The following GNAS-AS1 variants were observed in gnomAD, a reference collection of about 807,000 sequenced individuals.
GNAS-AS1 encodes GNAS antisense RNA 1, also known as GNAS antisense RNA 1 (non-protein coding).
At chr20:58,825,976 C>A (rs2085517199) in intron 4 of GNAS-AS1, 1 of 398,158 alleles carries the variant, frequency 2.5e-6, no homozygotes. Flanking sequence ...CAAGAAAGGT[C>A]TCTGAGAGTG....
At chr20:58,823,709 G>A (rs750195315) in intron 4 of GNAS-AS1, among the ~76,000 whole-genome samples, 3 of 152,250 alleles carry the variant, frequency 2.0e-5, no homozygotes, top group Non-Finnish European at 2.9e-5. Flanking sequence ...GCTGCAGTCC[G>A]CTGGGGTACT....
intron 1 of GNAS-AS1, among the ~76,000 whole-genome samples, chr20:58,849,469 T>C (rs562164363): frequency 2.6e-5 from 4 of 152,242 alleles, no homozygotes; most frequent in African/African-American, 4.8e-5. Flanking sequence ...GTAAGTACGA[T>C]TGCCAATTTG....
At chr20:58,823,482 G>A (rs1277697055) in intron 4 of GNAS-AS1, among the ~76,000 whole-genome samples, 3 of 152,212 alleles carry the variant, frequency 2.0e-5, no homozygotes, top group Admixed American at 6.5e-5. Flanking sequence ...TGTGACGGGC[G>A]CACGTGCCTG....
rs767823238 is a variant in GNAS-AS1 at position 58,841,749 on chromosome 20, G to A, written n.819+188C>T. The A allele has an allele frequency of 3.3e-6, 4 of 1,228,344 alleles. No individual in the cohort carries two copies. Among genetic ancestry groups the A allele is most frequent in the Non-Finnish European group, 4.1e-6 (4 of 986,332 alleles). 76.1% of individuals were successfully genotyped at this position (1,228,344 alleles called of 1,614,324 possible). On this transcript the variant is annotated intron_variant and non_coding_transcript_variant, in intron 4 of 4. Coordinates refer to ENST00000424094, the Ensembl canonical transcript of GNAS-AS1. The surrounding 1 kb of genome is among the most constrained non-coding windows in gnomAD (Gnocchi z 5.0). ...GGGTTGAACGCACAGGCATGGTCAC[G>A]TCGGGGTATTGCCAAGCTTTTGGCG...
At chr20:58,848,568 A>G (rs920296387) in intron 2 of GNAS-AS1, among the ~76,000 whole-genome samples, 1 of 152,224 alleles carries the variant, frequency 6.6e-6, no homozygotes, top group Non-Finnish European at 1.5e-5. Context: ...CGGCAAGGTT[A>G]GGCCCCAGAC....
chr20:58,827,135 C>T (rs1028500149), intron 4 of GNAS-AS1, among the ~76,000 whole-genome samples: 2 of 152,088 alleles, frequency 1.3e-5, no homozygotes, highest in African/African-American at 4.8e-5. Flanking sequence ...TTCCCTAGCC[C>T]TCTCCTTGTG....
chr20:58,835,725 C>T (rs1371429955), intron 4 of GNAS-AS1, among the ~76,000 whole-genome samples: 16 of 152,188 alleles, frequency 1.1e-4, no homozygotes, highest in Admixed American at 1.0e-3. Flanking sequence ...TCAATTACTT[C>T]GATCTCCCCA....
rs77185990 is a variant in GNAS-AS1, at chr20:58,830,050, C to T, written n.820-10795G>A. On this transcript the variant is annotated intron_variant and non_coding_transcript_variant, in intron 4 of 4. Coordinates refer to ENST00000424094, the Ensembl canonical transcript of GNAS-AS1. ...TAAAAAGAAAAATCCAACTCGACTG[C>T]CAACTCCAACTTTATTTTAGGCTCT... Among the ~76,000 whole-genome samples, 742 of 152,174 alleles carry T rather than the reference C, an allele frequency of 4.9e-3. 4 individuals carry two copies. The highest frequency in any genetic ancestry group is 0.015 in the African/African-American group (606 of 41,472).
At chr20:58,844,474 G>C (rs1023516942) in intron 2 of GNAS-AS1, among the ~76,000 whole-genome samples, 1 of 152,172 alleles carries the variant, frequency 6.6e-6, no homozygotes, top group Admixed American at 6.5e-5. Flanking sequence ...TGGAGCAGTG[G>C]GATCTAAGAC....
chr20:58,824,612 CCT>C (rs1039215238), intron 4 of GNAS-AS1, among the ~76,000 whole-genome samples: 47 of 152,280 alleles, frequency 3.1e-4, no homozygotes, highest in African/African-American at 1.0e-3. Flanking sequence ...TCATTCAACC[CCT>C]GTGACCCTAT....
At chr20:58,819,787 G>T (rs1463712955) in intron 4 of GNAS-AS1, among the ~76,000 whole-genome samples, 1 of 152,176 alleles carries the variant, frequency 6.6e-6, no homozygotes, top group African/African-American at 2.4e-5. Flanking sequence ...TTTCCATCAT[G>T]AAACAATAGA....
chr20:58,830,464 CCA>C (rs1273090180), intron 4 of GNAS-AS1, among the ~76,000 whole-genome samples: 2 of 133,972 alleles, frequency 1.5e-5, no homozygotes, highest in Non-Finnish European at 3.2e-5. Flanking sequence ...ATCACCACCA[CCA>C]CACCACCATC....
chr20:58,847,364 T>C (rs936615733), intron 2 of GNAS-AS1, among the ~76,000 whole-genome samples: 8 of 152,200 alleles, frequency 5.3e-5, no homozygotes, highest in Non-Finnish European at 1.0e-4. Flanking sequence ...CCTCTGCAGA[T>C]AGCAGTATGC....
At chr20:58,833,731 A>T in intron 4 of GNAS-AS1, 1 of 152,256 alleles carries the variant, frequency 6.6e-6, no homozygotes, top group East Asian at 1.9e-4. Context: ...ACACATCCTA[A>T]CACCAGCACG....
At chr20:58,825,479 A>T (rs2085513403) in intron 4 of GNAS-AS1, among the ~76,000 whole-genome samples, 1 of 152,208 alleles carries the variant, frequency 6.6e-6, no homozygotes, top group Admixed American at 6.5e-5. Context: ...GAGTATTTTT[A>T]AAATACTTAA....
chr20:58,844,323 T>TA (rs892318557), intron 2 of GNAS-AS1, among the ~76,000 whole-genome samples: 9 of 152,192 alleles, frequency 5.9e-5, no homozygotes, highest in African/African-American at 2.2e-4. Context: ...TGCTCTTCTC[T>TA]AAAAAATCAC....
rs2085699301 is a variant in GNAS-AS1 at position 58,841,024 on chromosome 20, T to C, written n.819+913A>G. The stretch of plus-strand genomic sequence containing the variant: ...CAGCTGGTCAGCCTGGGATCGGGGG[T>C]CAGGGTGAGGCGGCGAGGGCTCCCC... On this transcript the variant is annotated intron_variant and non_coding_transcript_variant, in intron 4 of 4. Transcript: ENST00000424094. The surrounding 1 kb of genome is among the most constrained non-coding windows in gnomAD (Gnocchi z 5.0). 9.8e-7 allele frequency: 1 copy of C among 1,023,288 alleles called. No individual in the cohort carries two copies. The highest frequency in any genetic ancestry group is 1.4e-6 in the Non-Finnish European group (1 of 696,968). 63.4% of individuals were successfully genotyped at this position (1,023,288 alleles called of 1,614,324 possible).
Position 58,840,928 on chromosome 20 carries a change from TG to T in GNAS-AS1, n.819+1008del. On this transcript the variant is annotated intron_variant and non_coding_transcript_variant, in intron 4 of 4. Coordinates refer to ENST00000424094, the Ensembl canonical transcript of GNAS-AS1. This position sits in a 1 kb window ranked among gnomAD's most constrained non-coding sequence, Gnocchi z 6.0. ...TAAACTGGGGAGCCTGAGGGCGGTG[TG>T]GGAGCAGCGCAGGTGGAAAGGAGGT... 1 of 1,604,832 alleles carries T rather than the reference TG, an allele frequency of 6.2e-7. No individual in the cohort carries two copies. Among genetic ancestry groups the T allele is most frequent in the Non-Finnish European group, 8.5e-7 (1 of 1,175,160 alleles).
In GNAS-AS1 at chr20:58,840,143, G is replaced by A. The variant is rs1419475131; in HGVS notation, n.819+1794C>T. 2.0e-5 allele frequency: 32 copies of A among 1,611,574 alleles called. No homozygotes were observed. The highest frequency in any genetic ancestry group is 2.7e-5 in the African/African-American group (2 of 75,050). ...GTCCCGGGCTCAGCAGTGGCGCCGAGCTCGCCATAATTACAACGACCTGTG... is the reference window on the plus strand; with the variant it reads ...GTCCCGGGCTCAGCAGTGGCGCCGAACTCGCCATAATTACAACGACCTGTG... On this transcript the variant is annotated intron_variant and non_coding_transcript_variant, in intron 4 of 4. Transcript: ENST00000424094. This position sits in a 1 kb window ranked among gnomAD's most constrained non-coding sequence, Gnocchi z 6.0.
Sources: gnomAD v4.1 joint callset for allele counts (sites outside exome capture counted in the v4.1 genomes callset) on GRCh38, gnomAD v4.1.1 for gene constraint, Gnocchi (gnomAD v3.1) non-coding constraint, MANE v1.5 for transcripts, NCBI Gene and HGNC (gene_info 2026-07-23, HGNC 2026-07-21) for gene names.